SFMBT1: variants seen among roughly 807,000 people sequenced by gnomAD.
SFMBT1 encodes the protein scm-like with four MBT domains protein 1.
In SFMBT1, 32 loss-of-function variants were observed where a neutral mutation model predicts 108.7. That is an observed-to-expected ratio of 0.29 (90% CI 0.22 to 0.40). SFMBT1 has a LOEUF of 0.40. Among genes scored for constraint, SFMBT1 ranks in the 10% least tolerant of loss-of-function variants. The pLI is 1.00. For synonymous variants in SFMBT1, 348 were observed against 369.5 expected, an observed-to-expected ratio of 0.94 and a Z score of 0.67; for missense variants, 816 against 1,059.6, an observed-to-expected ratio of 0.77 and a Z score of 3.19.
chr3:53,031,782 A>G (rs559655899), intron 1 of SFMBT1, among the ~76,000 whole-genome samples: 2 of 152,334 alleles, frequency 1.3e-5, no homozygotes, highest in Admixed American at 6.5e-5. Flanking sequence ...AACACAAGGA[A>G]TAATGCATTG....
In SFMBT1 at chr3:52,904,317, G is replaced by C. The variant is rs1702014567; in HGVS notation, c.*819C>G. 1 of 152,204 alleles carries C rather than the reference G, an allele frequency of 6.6e-6. No individual in the cohort carries two copies. The allele number at this position is 152,204 out of a possible 1,614,324, so 9.4% of individuals were successfully genotyped here. A position where few individuals can be genotyped will look rare whatever the true frequency, so the allele number is the denominator to read the frequency against. ...TTGGTGATGTTACTTAACACAGGCAGCCTCGGCTGGGTCAAGATGGAGAAC... is the reference window on the plus strand; with the variant it reads ...TTGGTGATGTTACTTAACACAGGCACCCTCGGCTGGGTCAAGATGGAGAAC... On this transcript the variant is annotated 3_prime_UTR_variant, in exon 21 of 21. Coordinates refer to ENST00000394752, the MANE Select transcript of SFMBT1 (RefSeq NM_016329.4).
intron 1 of SFMBT1, among the ~76,000 whole-genome samples, chr3:52,974,833 T>TAAAAAAAAAA (rs10646648): frequency 9.9e-5 from 9 of 90,646 alleles, no homozygotes; most frequent in South Asian, 3.8e-4. Flanking sequence ...CTATAAAAAG[T>TAAAAAAAAAA]AAAAAAAAAA....
At chr3:52,948,761 C>T (rs1703465557) in intron 3 of SFMBT1, among the ~76,000 whole-genome samples, 1 of 150,748 alleles carries the variant, frequency 6.6e-6, no homozygotes, top group African/African-American at 2.4e-5. Flanking sequence ...AAAGGATCCC[C>T]CCACCCCAGC....
At chr3:53,011,584 C>T (rs955117081) in intron 1 of SFMBT1, among the ~76,000 whole-genome samples, 1 of 152,134 alleles carries the variant, frequency 6.6e-6, no homozygotes, top group African/African-American at 2.4e-5. Context: ...GGGCTTAAAG[C>T]AGAGAAGCGG....
intron 2 of SFMBT1, among the ~76,000 whole-genome samples, chr3:52,966,395 A>G (rs1183126015): frequency 5.4e-5 from 8 of 147,300 alleles, no homozygotes; most frequent in South Asian, 2.2e-4. Context: ...GGAGGCCGAG[A>G]CAGGTGGATC....
chr3:52,996,894 C>T (rs1429290882), intron 1 of SFMBT1, among the ~76,000 whole-genome samples: 1 of 148,828 alleles, frequency 6.7e-6, no homozygotes. Context: ...ACGGTGAAAC[C>T]CCATCTCTAC....
chr3:52,920,261 G>A (rs1702480088), intron 12 of SFMBT1, among the ~76,000 whole-genome samples: 1 of 152,166 alleles, frequency 6.6e-6, no homozygotes, highest in African/African-American at 2.4e-5. Context: ...TCCTCCCCAC[G>A]TTGAGCCTTG....
At chr3:52,994,831 G>A (rs900323606) in intron 1 of SFMBT1, among the ~76,000 whole-genome samples, 2 of 149,916 alleles carry the variant, frequency 1.3e-5, no homozygotes, top group African/African-American at 4.9e-5. Context: ...ACAATGGTGA[G>A]CCAATCAGCA....
At chr3:53,000,429 T>C (rs575461844) in intron 1 of SFMBT1, among the ~76,000 whole-genome samples, 1 of 150,368 alleles carries the variant, frequency 6.7e-6, no homozygotes, top group East Asian at 1.9e-4. Context: ...GTGTGGTCAC[T>C]GTATTGTGAT....
intron 1 of SFMBT1, among the ~76,000 whole-genome samples, chr3:53,032,494 G>T (rs1484632232): frequency 6.6e-6 from 1 of 152,206 alleles, no homozygotes; most frequent in African/African-American, 2.4e-5. Context: ...GGCCACACAA[G>T]AAGTTTGGAT....
intron 2 of SFMBT1, among the ~76,000 whole-genome samples, chr3:52,956,353 G>A (rs891283005): frequency 3.3e-5 from 5 of 152,086 alleles, no homozygotes; most frequent in Admixed American, 2.0e-4. Context: ...CCAGCTACTC[G>A]GGAGGCTGAG....
intron 1 of SFMBT1, among the ~76,000 whole-genome samples, chr3:53,015,197 G>A (rs1699084229): frequency 6.7e-6 from 1 of 149,446 alleles, no homozygotes. Context: ...TGACAGGTGA[G>A]AGAGACCCTG....
chr3:52,912,039 T>A (rs145973000), intron 16 of SFMBT1, among the ~76,000 whole-genome samples: 331 of 152,248 alleles, frequency 2.2e-3, no homozygotes, highest in Non-Finnish European at 3.9e-3. Context: ...TATCATATTT[T>A]ATAAATGTAT....
intron 1 of SFMBT1, among the ~76,000 whole-genome samples, chr3:53,014,821 C>G (rs1010759111): frequency 1.3e-5 from 2 of 152,168 alleles, no homozygotes; most frequent in Non-Finnish European, 2.9e-5. Flanking sequence ...AATGTTAATA[C>G]AGCAGAGAGA....
At chr3:52,968,600 C>CT (rs5848970) in intron 2 of SFMBT1, among the ~76,000 whole-genome samples, 12,934 of 127,552 alleles carry the variant, frequency 0.1, 737 homozygotes, top group South Asian at 0.23. Context: ...AAAACAGTTT[C>CT]TTTTTTTTTT....
chr3:53,032,244 C>T (rs180755913), intron 1 of SFMBT1, among the ~76,000 whole-genome samples: 1 of 152,194 alleles, frequency 6.6e-6, no homozygotes, highest in Non-Finnish European at 1.5e-5. Flanking sequence ...GTGGTACATG[C>T]CTATGGTTCC....
intron 1 of SFMBT1, among the ~76,000 whole-genome samples, chr3:52,973,505 T>TAGC (rs1250782063): frequency 6.6e-6 from 1 of 152,180 alleles, no homozygotes; most frequent in Non-Finnish European, 1.5e-5. Flanking sequence ...TCAAACTGAA[T>TAGC]AGCTATTTCA....
At chr3:52,975,123 C>T (rs968760083) in intron 1 of SFMBT1, among the ~76,000 whole-genome samples, 2 of 151,792 alleles carry the variant, frequency 1.3e-5, no homozygotes, top group African/African-American at 2.4e-5. Flanking sequence ...TGAAAAAGTT[C>T]TAAACAAAAC....
At chr3:52,925,297 A>AT (rs1702628179) in intron 10 of SFMBT1, among the ~76,000 whole-genome samples, 1 of 152,246 alleles carries the variant, frequency 6.6e-6, no homozygotes, top group African/African-American at 2.4e-5. Flanking sequence ...CTCATTTTGT[A>AT]TTTAACCAAA....
Sources: gnomAD v4.1 joint callset for allele counts (sites outside exome capture counted in the v4.1 genomes callset) on GRCh38, gnomAD v4.1.1 for gene constraint, MANE v1.5 for transcripts, NCBI Gene and HGNC (gene_info 2026-07-23, HGNC 2026-07-21) for gene names.